Variants in ACAD10 observed in about 807,000 individuals in gnomAD.
ACAD10 encodes acyl-CoA dehydrogenase family member 10, also known as ACAD-10.
A neutral mutation model predicts 116.8 loss-of-function variants in ACAD10; 112 were observed. The ratio of observed to expected loss-of-function variants is 0.96; its 90% CI spans 0.82 to 1.12. The LOEUF (loss-of-function observed/expected upper bound fraction) is 1.12. ACAD10 is among the 50% of genes most tolerant of loss of function. The pLI is 0.00. For missense variants in ACAD10, 1,259 were observed against 1,350.2 expected, an observed-to-expected ratio of 0.93 and a Z score of 1.06; for synonymous variants, 486 against 510.6, an observed-to-expected ratio of 0.95 and a Z score of 0.65.
At chr12:111,714,208 G>A (rs1225350914) in intron 6 of ACAD10, among the ~76,000 whole-genome samples, 2 of 150,328 alleles carry the variant, frequency 1.3e-5, no homozygotes, top group Middle Eastern at 3.5e-3. Context: ...TCATGCCACT[G>A]CACTGCAGCC....
chr12:111,693,287 C>T (rs576236600), intron 2 of ACAD10, among the ~76,000 whole-genome samples: 2 of 152,186 alleles, frequency 1.3e-5, no homozygotes, highest in East Asian at 3.9e-4. Flanking sequence ...GCCTGTAATC[C>T]CAGCACTTTT....
chr12:111,692,017 G>C (rs979097542), intron 1 of ACAD10, among the ~76,000 whole-genome samples: 27 of 152,062 alleles, frequency 1.8e-4, no homozygotes, highest in African/African-American at 6.5e-4. Context: ...TGCCCAGGCT[G>C]GAGTGCAATG....
At chr12:111,730,073 G>GT in intron 10 of ACAD10, 117 bp downstream of exon 10, 1 of 1,388,484 alleles carries the variant, frequency 7.2e-7, no homozygotes, top group Admixed American at 2.4e-5. Flanking sequence ...CAAAGCACCT[G>GT]TCTGTGTGTG....
intron 12 of ACAD10, among the ~76,000 whole-genome samples, chr12:111,738,589 G>C (rs556236769): frequency 6.6e-6 from 1 of 151,834 alleles, no homozygotes; most frequent in Non-Finnish European, 1.5e-5. Flanking sequence ...AGTAGTAGCC[G>C]GGCATGGTGG....
intron 8 of ACAD10, 134 bp downstream of exon 8, chr12:111,721,873 T>TC: frequency 3.6e-6 from 2 of 562,710 alleles, no homozygotes; most frequent in Non-Finnish European, 5.9e-6. Context: ...TCACAACCTC[T>TC]CCCAGAAGTT....
intron 8 of ACAD10, among the ~76,000 whole-genome samples, chr12:111,726,631 G>T (rs781380668): frequency 1.3e-5 from 2 of 152,102 alleles, no homozygotes; most frequent in Non-Finnish European, 2.9e-5. Flanking sequence ...GGAGGCTGAG[G>T]CGGATGGATT....
chr12:111,740,123 C>T lies in ACAD10; in HGVS notation c.1714+3119C>T, dbSNP rs527826464. On this transcript the variant is annotated intron_variant, in intron 12 of 20. Transcript: ENST00000313698. ...ATTGCGGAAGGCGAGCAGTAGAACCCGTAGGCTTGTTATTCTCTCCTCTCT... is the reference window on the plus strand; with the variant it reads ...ATTGCGGAAGGCGAGCAGTAGAACCTGTAGGCTTGTTATTCTCTCCTCTCT... 7.2e-5 allele frequency among the ~76,000 whole-genome samples: 11 copies of T among 152,174 alleles called. No homozygotes were observed. The East Asian group carries it at 1.7e-3, about 24-fold the overall frequency.
intron 12 of ACAD10, among the ~76,000 whole-genome samples, chr12:111,738,276 T>C (rs749768374): frequency 2.0e-5 from 3 of 151,972 alleles, no homozygotes; most frequent in Non-Finnish European, 4.4e-5. Context: ...TGAAACTGTG[T>C]CTCTACTAAA....
At position 111,709,539 on chromosome 12, in the gene ACAD10, G is replaced by T. The variant is rs751434789; in HGVS notation, c.545G>T (p.Cys182Phe). 8 of 1,601,666 alleles carry T rather than the reference G, an allele frequency of 5.0e-6. No individual in the cohort carries two copies. In the East Asian group the frequency reaches 1.8e-4, roughly 36 times the overall value. The change falls in exon 5 of 21, where the codon TGC becomes TTC. Residue 182 changes from cysteine (C) to phenylalanine (F), a missense_variant. Physicochemically the swap from Cys to Phe is radical, Grantham distance 205. Transcript: ENST00000313698. ...TCCCTCCATCAGATTGTGGAGTCCT[G>T]CATGGAAGGGATCTGTAAGCCAGAC... ...RKQFDVIVES[C>F]MEGICKPDPR...
At chr12:111,699,983 C>A (rs951286062) in intron 2 of ACAD10, among the ~76,000 whole-genome samples, 1 of 152,052 alleles carries the variant, frequency 6.6e-6, no homozygotes, top group African/African-American at 2.4e-5. Context: ...CAACTATTCA[C>A]TTCTACCATT....
chr12:111,755,889 C>T, intron 20 of ACAD10, 144 bp downstream of exon 20: 1 of 877,622 alleles, frequency 1.1e-6, no homozygotes, highest in Admixed American at 2.0e-5. Context: ...TCCTTTTCCT[C>T]TTCAGAATGA....
chr12:111,731,644 T>C (rs894200511), intron 10 of ACAD10, among the ~76,000 whole-genome samples: 2 of 152,206 alleles, frequency 1.3e-5, no homozygotes, highest in African/African-American at 4.8e-5. Context: ...AGGAAAGGCA[T>C]CCTCTGATTT....
chr12:111,697,068 G>A (rs1320924021), intron 2 of ACAD10, among the ~76,000 whole-genome samples: 3 of 145,862 alleles, frequency 2.1e-5, no homozygotes, highest in Admixed American at 1.4e-4. Context: ...GCGATACAGC[G>A]AGACTCCGTC....
intron 18 of ACAD10, among the ~76,000 whole-genome samples, chr12:111,750,294 T>C (rs1337769167): frequency 1.3e-5 from 2 of 150,976 alleles, no homozygotes; most frequent in Non-Finnish European, 2.9e-5. Context: ...GGTTTCACCA[T>C]GTTAGCCAGG....
At chr12:111,746,819 A>G (rs1014365526) in intron 14 of ACAD10, among the ~76,000 whole-genome samples, 5 of 152,220 alleles carry the variant, frequency 3.3e-5, no homozygotes, top group African/African-American at 9.6e-5. Context: ...TGTGCAACAT[A>G]GAACTCTGTA....
chr12:111,689,186 T>C (rs1887968532), intron 1 of ACAD10, among the ~76,000 whole-genome samples: 1 of 151,840 alleles, frequency 6.6e-6, no homozygotes, highest in Non-Finnish European at 1.5e-5. Context: ...GGAGACTCCA[T>C]ATCAAAAAAT....
chr12:111,717,733 ATT>A (rs1275478402), intron 7 of ACAD10, among the ~76,000 whole-genome samples: 1 of 151,938 alleles, frequency 6.6e-6, no homozygotes, highest in Non-Finnish European at 1.5e-5. Context: ...AGTTTTAAAA[ATT>A]TTTTTGTAGA....
intron 8 of ACAD10, among the ~76,000 whole-genome samples, chr12:111,725,613 C>T (rs930804466): frequency 1.3e-5 from 2 of 151,932 alleles, no homozygotes; most frequent in Non-Finnish European, 2.9e-5. Flanking sequence ...GGGCACACTG[C>T]AACCTCTGCC....
chr12:111,729,685 C>A, intron 9 of ACAD10, 121 bp from the exon 10 acceptor site: 1 of 1,234,654 alleles, frequency 8.1e-7, no homozygotes, highest in Non-Finnish European at 1.1e-6. Context: ...GGAACGTGTT[C>A]AAAGACACTG....
Sources: gnomAD v4.1 joint callset for allele counts (sites outside exome capture counted in the v4.1 genomes callset) on GRCh38, gnomAD v4.1.1 for gene constraint, MANE v1.5 for transcripts, NCBI Gene and HGNC (gene_info 2026-07-23, HGNC 2026-07-21) for gene names.